Variants in ARFGEF3 observed in about 807,000 individuals in gnomAD.
The protein encoded by ARFGEF3 is brefeldin A-inhibited guanine nucleotide-exchange protein 3.
ARFGEF3 carries 96 observed loss-of-function variants against 221.7 expected under a neutral mutation model. The observed-to-expected ratio is 0.43, with a 90% CI of 0.37 to 0.51. ARFGEF3 has a LOEUF of 0.51. Among genes scored for constraint, ARFGEF3 ranks in the 20% least tolerant of loss-of-function variants. The pLI is 0.00. For synonymous variants in ARFGEF3, 1,145 were observed against 1,126.8 expected, an observed-to-expected ratio of 1.02 and a Z score of -0.32; for missense variants, 2,410 against 2,789.9, an observed-to-expected ratio of 0.86 and a Z score of 3.07.
intron 4 of ARFGEF3, among the ~76,000 whole-genome samples, chr6:138,211,777 C>T (rs985354734): frequency 6.6e-6 from 1 of 152,200 alleles, no homozygotes; most frequent in African/African-American, 2.4e-5. Flanking sequence ...TGTCAACAGT[C>T]GCACCTATTT....
At chr6:138,189,959 C>G (rs1202792197) in intron 2 of ARFGEF3, among the ~76,000 whole-genome samples, 1 of 151,864 alleles carries the variant, frequency 6.6e-6, no homozygotes, top group Non-Finnish European at 1.5e-5. Context: ...TGGCACATCC[C>G]TGTAGTCTCA....
intron 9 of ARFGEF3, 104 bp from the exon 10 acceptor site, chr6:138,255,327 GAAGTA>G (rs1040555935): frequency 6.6e-5 from 48 of 723,530 alleles, no homozygotes; most frequent in Admixed American, 5.7e-4. Context: ...AAAAGAAGAA[GAAGTA>G]AAGAGCCGCA....
At chr6:138,184,220 A>T (rs980500) in intron 2 of ARFGEF3, among the ~76,000 whole-genome samples, 1 of 152,154 alleles carries the variant, frequency 6.6e-6, no homozygotes, top group African/African-American at 2.4e-5. Context: ...AAATGATATA[A>T]TTTTAATGAA....
At chr6:138,246,995 A>G (rs1441928685) in intron 8 of ARFGEF3, among the ~76,000 whole-genome samples, 1 of 152,224 alleles carries the variant, frequency 6.6e-6, no homozygotes, top group Non-Finnish European at 1.5e-5. Context: ...TATGCACAAT[A>G]AAGTTTATTT....
In ARFGEF3 at chr6:138,319,878, A is replaced by C; in HGVS notation, c.4650A>C (p.Ser1550=). Residue 1550 remains serine, a splice_region_variant and synonymous_variant, in exon 28 of 34, where the codon TCA becomes TCC. Transcript: ENST00000251691. The stretch of plus-strand genomic sequence containing the variant: ...AGCACATTCAAAGCTTTCTACATTC[A>C]GGTATCTGAAGTGCCAGAGCAGTTC... The part of the protein sequence containing the change: ...VVEHIQSFLH[S]DIRYESMINT... 1.2e-6 allele frequency: 2 copies of C among 1,613,506 alleles called. No individual in the cohort carries two copies. The highest frequency in any genetic ancestry group is 1.7e-6 in the Non-Finnish European group (2 of 1,179,662).
At position 138,170,682 on chromosome 6, in the gene ARFGEF3, A is replaced by G; in HGVS notation, c.106A>G (p.Thr36Ala). The G allele has an allele frequency of 1.3e-6, 2 of 1,588,114 alleles. No individual in the cohort carries two copies. The highest frequency in any genetic ancestry group is 1.7e-6 in the Non-Finnish European group (2 of 1,156,604). Residue 36 changes from threonine to alanine, a missense_variant, in exon 2 of 34, where the codon ACC becomes GCC. By Grantham distance (58) the Thr-to-Ala change is moderately conservative. Around this residue, in one of 5 missense-constraint regions of ARFGEF3, gnomAD observed 570 missense variants for 586.9 expected, o/e 0.97. Transcript: ENST00000251691. ...TGCAGAAACTCTAGGTGGTCTGGAT[A>G]CCATTGTCAAGATCCCTCCACATGT... Reference protein sequence around the residue: ...WALETLGGLDTIVKIPPHVLR... With the variant: ...WALETLGGLDAIVKIPPHVLR...
chr6:138,323,968 G>C (rs1780082184), intron 30 of ARFGEF3, 55 bp from the exon 31 acceptor site: 2 of 1,595,206 alleles, frequency 1.3e-6, no homozygotes. Context: ...ATCCAAGACT[G>C]AGCCCGGCCC....
chr6:138,227,868 C>T (rs1022080671), intron 4 of ARFGEF3, among the ~76,000 whole-genome samples: 8 of 151,944 alleles, frequency 5.3e-5, no homozygotes, highest in South Asian at 2.1e-4. Flanking sequence ...TCTGAGGGGG[C>T]GACATCTAAG....
At chr6:138,330,133 C>T (rs1420003640) in intron 32 of ARFGEF3, among the ~76,000 whole-genome samples, 1 of 152,104 alleles carries the variant, frequency 6.6e-6, no homozygotes, top group African/African-American at 2.4e-5. Flanking sequence ...GGAATGTCAT[C>T]AGTTAAGGCA....
chr6:138,252,184 C>T (rs1778594845), intron 8 of ARFGEF3, among the ~76,000 whole-genome samples: 1 of 152,184 alleles, frequency 6.6e-6, no homozygotes, highest in South Asian at 2.1e-4. Context: ...AGAATAATAA[C>T]ATTATTTAAT....
chr6:138,319,487 T>C (rs1779985229), intron 27 of ARFGEF3, among the ~76,000 whole-genome samples: 1 of 151,938 alleles, frequency 6.6e-6, no homozygotes, highest in Admixed American at 6.6e-5. Flanking sequence ...GTTTTAGGAG[T>C]ATATTCACAT....
intron 27 of ARFGEF3, among the ~76,000 whole-genome samples, chr6:138,319,251 C>A (rs1779979724): frequency 1.4e-5 from 2 of 144,410 alleles, no homozygotes; most frequent in South Asian, 4.7e-4. Context: ...CTACTGTGGC[C>A]AGCTCTAACA....
chr6:138,223,106 G>A (rs1456370249), intron 4 of ARFGEF3, among the ~76,000 whole-genome samples: 1 of 152,110 alleles, frequency 6.6e-6, no homozygotes, highest in Non-Finnish European at 1.5e-5. Context: ...CATGGTCGAG[G>A]TACACTTTCA....
In ARFGEF3 at chr6:138,286,775, G is replaced by C; in HGVS notation, c.2644G>C (p.Gly882Arg). 6.2e-7 allele frequency: 1 copy of C among 1,614,062 alleles called. No individual in the cohort carries two copies. Among genetic ancestry groups the C allele is most frequent in the East Asian group, 2.2e-5 (1 of 44,880 alleles). ...CGATACTTTATCAACCCCACTGACTGGTCGAATGGCGGGGAGCTCCAAAGG... is the reference window on the plus strand; with the variant it reads ...CGATACTTTATCAACCCCACTGACTCGTCGAATGGCGGGGAGCTCCAAAGG... ...LIDTLSTPLT[G>R]RMAGSSKGLA... The change falls in exon 16 of 34, where the codon GGT becomes CGT. Residue 882 changes from glycine (G) to arginine (R), a missense_variant. Transcript: ENST00000251691.
At chr6:138,321,357 A>G (rs866174402) in intron 29 of ARFGEF3, 132 bp downstream of exon 29, 17 of 600,540 alleles carry the variant, frequency 2.8e-5, no homozygotes, top group Middle Eastern at 8.7e-4. Context: ...GTAATTAAAA[A>G]TGACTGTGCT....
chr6:138,318,892 A>G (rs1427926788), intron 27 of ARFGEF3, among the ~76,000 whole-genome samples: 1 of 152,234 alleles, frequency 6.6e-6, no homozygotes, highest in Non-Finnish European at 1.5e-5. Flanking sequence ...GCTGTACGTA[A>G]ATACAATAGA....
intron 4 of ARFGEF3, chr6:138,218,374 G>C (rs868278553): frequency 1.9e-6 from 3 of 1,542,088 alleles, no homozygotes; most frequent in Middle Eastern, 1.7e-4. Flanking sequence ...TCATATTTCT[G>C]GTTCCTTAAG....
At chr6:138,250,828 G>A (rs1219443114) in intron 8 of ARFGEF3, among the ~76,000 whole-genome samples, 1 of 152,214 alleles carries the variant, frequency 6.6e-6, no homozygotes, top group African/African-American at 2.4e-5. Context: ...CAAGAAAAGT[G>A]ACTTACAGCC....
intron 26 of ARFGEF3, among the ~76,000 whole-genome samples, chr6:138,314,144 C>T (rs1354387090): frequency 6.6e-6 from 1 of 152,164 alleles, no homozygotes; most frequent in Non-Finnish European, 1.5e-5. Flanking sequence ...GGGCTTGCCT[C>T]TGATGAGGGC....
Sources: allele counts gnomAD v4.1 joint callset (sites outside exome capture counted in the v4.1 genomes callset), GRCh38; gene constraint gnomAD v4.1.1; regional missense constraint gnomAD v4.1.1; transcripts MANE v1.5; gene names NCBI Gene and HGNC (gene_info 2026-07-23, HGNC 2026-07-21).